The following SORCS3 variants were observed in gnomAD, a reference collection of about 807,000 sequenced individuals.
SORCS3 encodes VPS10 domain-containing receptor SorCS3.
SORCS3 carries 57 observed loss-of-function variants against 146.3 expected under a neutral mutation model. That is an observed-to-expected ratio of 0.39 (90% CI 0.31 to 0.49). The LOEUF is 0.49. Ranked by LOEUF, SORCS3 falls within the 20% of genes least tolerant of loss-of-function variation. SORCS3 has a pLI of 0.92. For synonymous variants in SORCS3, 653 were observed against 618.5 expected (o/e 1.06, Z -0.83); for missense variants, 1,341 against 1,575.5 (o/e 0.85, Z 2.52).
chr10:104,960,598 A>G, intron 3 of SORCS3, among the ~76,000 whole-genome samples: 1 of 152,130 alleles, frequency 6.6e-6, no homozygotes, highest in Non-Finnish European at 1.5e-5. Context: ...TCCATTAACC[A>G]TTTAATCCAT....
chr10:105,239,518 G>A (rs539703789), intron 20 of SORCS3, among the ~76,000 whole-genome samples: 9 of 152,238 alleles, frequency 5.9e-5, no homozygotes, highest in South Asian at 2.1e-4. Flanking sequence ...GAGCTTTGTC[G>A]ATTTCTTGCT....
At chr10:105,186,100 C>T (rs1207396924) in intron 14 of SORCS3, among the ~76,000 whole-genome samples, 2 of 152,150 alleles carry the variant, frequency 1.3e-5, no homozygotes, top group Non-Finnish European at 2.9e-5. Flanking sequence ...TTATGTATGC[C>T]TCCAGGTACA....
At chr10:104,852,710 C>T (rs955675756) in intron 2 of SORCS3, among the ~76,000 whole-genome samples, 1 of 152,218 alleles carries the variant, frequency 6.6e-6, no homozygotes. Flanking sequence ...TTTCTTCCTT[C>T]TGGCTCAGAG....
At chr10:104,818,400 CCT>C (rs1491440341) in intron 1 of SORCS3, among the ~76,000 whole-genome samples, 5 of 150,790 alleles carry the variant, frequency 3.3e-5, no homozygotes, top group Admixed American at 3.3e-4. Context: ...TTCCTTCCTT[CCT>C]TCTTTCTCTC....
chr10:104,760,263 G>A (rs2017104922), intron 1 of SORCS3, among the ~76,000 whole-genome samples: 1 of 152,180 alleles, frequency 6.6e-6, no homozygotes, highest in African/African-American at 2.4e-5. Context: ...AAAGGATTTT[G>A]TAACTTTTGT....
intron 6 of SORCS3, among the ~76,000 whole-genome samples, chr10:105,095,736 C>T (rs1282750058): frequency 6.6e-6 from 1 of 152,050 alleles, no homozygotes; most frequent in South Asian, 2.1e-4. Context: ...CACAGACAGG[C>T]AGACGTGGAG....
In SORCS3 at chr10:104,843,532, G is replaced by A. The variant is rs935387868; in HGVS notation, c.695+673G>A. ...TTTGGGGCCTCTAAGACTATTGTGA[G>A]CCTAGCTGCTGTACCTCTTGTGCCT... On this transcript the variant is annotated intron_variant, in intron 2 of 26. Coordinates refer to ENST00000369701, the MANE Select transcript of SORCS3 (RefSeq NM_014978.3). Among the ~76,000 whole-genome samples the A allele has an allele frequency of 2.6e-5, 4 of 152,156 alleles. No individual in the cohort carries two copies. In the South Asian group the frequency reaches 6.2e-4, roughly 24 times the overall value.
chr10:105,138,268 G>C (rs2056072046), intron 7 of SORCS3, among the ~76,000 whole-genome samples: 1 of 152,094 alleles, frequency 6.6e-6, no homozygotes, highest in African/African-American at 2.4e-5. Flanking sequence ...TGCCTGCTTT[G>C]TGGGCTTCCG....
Position 105,040,299 on chromosome 10 carries a change from G to A in SORCS3, c.955-2756G>A, listed in dbSNP as rs565927372. Among the ~76,000 whole-genome samples the A allele has an allele frequency of 3.9e-5, 6 of 152,194 alleles. No homozygotes were observed. In the East Asian group the frequency reaches 1.2e-3, roughly 29 times the overall value. On this transcript the variant is annotated intron_variant, in intron 4 of 26. Transcript: ENST00000369701. ...TATAGAAATATCCACAAATAGATGG[G>A]CAGAGGGATAGAAGGAGAGACAGGC... is the stretch of plus-strand genomic sequence containing the variant.
At chr10:105,125,679 C>CACACACACACA (rs370356129) in intron 7 of SORCS3, among the ~76,000 whole-genome samples, 5,007 of 144,368 alleles carry the variant, frequency 0.035, 104 homozygotes, top group African/African-American at 0.041. Flanking sequence ...CACTGAATAT[C>CACACACACACA]CACACACACA....
rs1287385866 is a variant in SORCS3, at chr10:104,819,933, GT to G, written c.628-22856del. Among the ~76,000 whole-genome samples the G allele has an allele frequency of 2.0e-5, 3 of 152,164 alleles. No individual in the cohort carries two copies. In the East Asian group the frequency reaches 5.8e-4, roughly 29 times the overall value. ...ATGCAGCTATGAAATCAAACCTGCC[GT>G]TTATTGTGTTTTCCTTAACCACTGG... On this transcript the variant is annotated intron_variant, in intron 1 of 26. Coordinates refer to ENST00000369701, the MANE Select transcript of SORCS3 (RefSeq NM_014978.3).
At chr10:105,141,112 T>G (rs2056092505) in intron 8 of SORCS3, among the ~76,000 whole-genome samples, 1 of 152,172 alleles carries the variant, frequency 6.6e-6, no homozygotes, top group East Asian at 1.9e-4. Flanking sequence ...TTATGTATTT[T>G]TAACCTTCTC....
At chr10:105,103,709 T>C (rs2055802418) in intron 6 of SORCS3, among the ~76,000 whole-genome samples, 2 of 152,266 alleles carry the variant, frequency 1.3e-5, no homozygotes, top group African/African-American at 4.8e-5. Context: ...ATGGGGCGAA[T>C]GGAATCAATA....
intron 1 of SORCS3, among the ~76,000 whole-genome samples, chr10:104,840,340 T>C (rs2018123652): frequency 6.6e-6 from 1 of 152,220 alleles, no homozygotes; most frequent in Non-Finnish European, 1.5e-5. Context: ...TTCTACTCTT[T>C]CTAGGTATTA....
intron 1 of SORCS3, among the ~76,000 whole-genome samples, chr10:104,705,542 A>C (rs974690066): frequency 1.3e-5 from 2 of 152,196 alleles, no homozygotes; most frequent in Non-Finnish European, 2.9e-5. Flanking sequence ...TTTACATATT[A>C]CTTAATTAAA....
chr10:104,712,746 A>G (rs2016433155), intron 1 of SORCS3, among the ~76,000 whole-genome samples: 1 of 152,106 alleles, frequency 6.6e-6, no homozygotes, highest in Non-Finnish European at 1.5e-5. Context: ...CAACATAGGA[A>G]CCCTCTTTCC....
At chr10:105,054,629 C>T (rs73340293) in intron 5 of SORCS3, among the ~76,000 whole-genome samples, 6,993 of 151,182 alleles carry the variant, frequency 0.046, 185 homozygotes, top group Middle Eastern at 0.075. Context: ...ATTCTGTGCC[C>T]ATATTTTGGA....
At chr10:104,788,980 A>G (rs1445656448) in intron 1 of SORCS3, among the ~76,000 whole-genome samples, 1 of 152,124 alleles carries the variant, frequency 6.6e-6, no homozygotes, top group Non-Finnish European at 1.5e-5. Context: ...TCCTAATGAC[A>G]TCTTTGTCTT....
At chr10:104,981,574 T>C (rs532109451) in intron 4 of SORCS3, among the ~76,000 whole-genome samples, 28 of 152,316 alleles carry the variant, frequency 1.8e-4, no homozygotes, top group African/African-American at 6.3e-4. Context: ...TCAATAATCT[T>C]ATTAAAACTG....
Sources: gnomAD v4.1 joint callset for allele counts (sites outside exome capture counted in the v4.1 genomes callset) on GRCh38, gnomAD v4.1.1 for gene constraint, MANE v1.5 for transcripts, NCBI Gene and HGNC (gene_info 2026-07-23, HGNC 2026-07-21) for gene names.